The following MRPS23 variants were observed in gnomAD, a reference collection of about 807,000 sequenced individuals.
The protein encoded by MRPS23 is small ribosomal subunit protein mS23.
Under a neutral mutation model 19.8 loss-of-function variants are expected in MRPS23, and 14 were observed. The ratio of observed to expected loss-of-function variants is 0.71; its 90% CI spans 0.47 to 1.11. The LOEUF is 1.11. MRPS23 is among the 50% of genes least tolerant of loss of function. The pLI, the probability that MRPS23 is intolerant of heterozygous loss-of-function variation, is 0.00. For synonymous variants in MRPS23, 113 were observed against 89.7 expected (o/e 1.26, Z -1.47); for missense variants, 242 against 236.7 (o/e 1.02, Z -0.15).
chr17:57,844,130 T>C (rs993387195), intron 2 of MRPS23, among the ~76,000 whole-genome samples: 3 of 149,876 alleles, frequency 2.0e-5, no homozygotes, highest in Non-Finnish European at 4.5e-5. Flanking sequence ...CCTTTTTCTT[T>C]TTTTTTTTTT....
Position 57,838,707 on chromosome 17 carries a change from T to C in MRPS23, c.*1076A>G, listed in dbSNP as rs555402645. The C allele has an allele frequency of 6.6e-6, 1 of 152,392 alleles. No individual in the cohort carries two copies. The highest frequency in any genetic ancestry group is 6.5e-5 in the Admixed American group (1 of 15,304). The allele number at this position is 152,392 out of a possible 1,614,324, so 9.4% of individuals were successfully genotyped here. On this transcript the variant is annotated 3_prime_UTR_variant, in exon 5 of 5. Coordinates refer to ENST00000313608, the MANE Select transcript of MRPS23 (RefSeq NM_016070.4). ...GAGCTGCTTTTGCCTAATGTATTCA[T>C]TCACCTGCATGAACCAAGCACCCAC...
chr17:57,849,101 C>G (rs2073794951), intron 2 of MRPS23, 139 bp downstream of exon 2: 1 of 1,032,732 alleles, frequency 9.7e-7, no homozygotes, highest in Admixed American at 2.8e-5. Flanking sequence ...GGGGTGCTGC[C>G]TCCCTAATTT....
intron 2 of MRPS23, among the ~76,000 whole-genome samples, chr17:57,843,574 C>G (rs2073754048): frequency 6.6e-6 from 1 of 152,142 alleles, no homozygotes; most frequent in South Asian, 2.1e-4. Flanking sequence ...GGGAGGTAAT[C>G]AGGTCATGGT....
At position 57,849,226 on chromosome 17, in the gene MRPS23, G is replaced by C; in HGVS notation, c.215+14C>G. On this transcript the variant is annotated intron_variant, in intron 2 of 4. Transcript: ENST00000313608. ...TTCTGTTGCCTCCTGTCCACTACAG[G>C]GCTGAGCACTCACGCTCTAATCCGA... 1 of 1,613,740 alleles carries C rather than the reference G, an allele frequency of 6.2e-7. No homozygotes were observed. Among genetic ancestry groups the C allele is most frequent in the Non-Finnish European group, 8.5e-7 (1 of 1,179,806 alleles).
intron 2 of MRPS23, among the ~76,000 whole-genome samples, chr17:57,845,427 T>C (rs1456514954): frequency 6.6e-6 from 1 of 152,120 alleles, no homozygotes; most frequent in African/African-American, 2.4e-5. Context: ...TTTTCTAGCA[T>C]CCTGAAACAA....
rs1217498635 is a variant in MRPS23 at position 57,841,273 on chromosome 17, A to G, written c.216-13T>C. The G allele has an allele frequency of 1.2e-6, 2 of 1,609,946 alleles. No individual in the cohort carries two copies. Among genetic ancestry groups the G allele is most frequent in the East Asian group, 4.5e-5 (2 of 44,848 alleles). Reference sequence around the variant, plus strand: ...TGAATAAAACTTCCTAGAAAATGCAAACAACATAATATAAATCTCCGATTA... The same window carrying G: ...TGAATAAAACTTCCTAGAAAATGCAGACAACATAATATAAATCTCCGATTA... On this transcript the variant is annotated splice_polypyrimidine_tract_variant and intron_variant, in intron 2 of 4. Coordinates refer to ENST00000313608, the MANE Select transcript of MRPS23 (RefSeq NM_016070.4).
At chr17:57,844,748 A>G (rs1473227557) in intron 2 of MRPS23, among the ~76,000 whole-genome samples, 1 of 140,682 alleles carries the variant, frequency 7.1e-6, no homozygotes, top group African/African-American at 2.6e-5. Flanking sequence ...CCAGCCTGGG[A>G]GAGAGAGAGA....
chr17:57,848,030 A>G (rs1253177893), intron 2 of MRPS23, among the ~76,000 whole-genome samples: 1 of 152,128 alleles, frequency 6.6e-6, no homozygotes, highest in African/African-American at 2.4e-5. Context: ...ATCATTATCA[A>G]TACTGACAAG....
In MRPS23 at chr17:57,839,711, C is replaced by A. The variant is rs1597951113; in HGVS notation, c.*72G>T. On this transcript the variant is annotated 3_prime_UTR_variant, in exon 5 of 5. Transcript: ENST00000313608. ...ATCAAGAAACATTTACACAGTTCAACTGTTTAAAAATAGCTCAACATTCAG... is the reference window on the plus strand; with the variant it reads ...ATCAAGAAACATTTACACAGTTCAAATGTTTAAAAATAGCTCAACATTCAG... 6.5e-7 allele frequency: 1 copy of A among 1,546,138 alleles called. No homozygotes were observed. The highest frequency in any genetic ancestry group is 8.8e-7 in the Non-Finnish European group (1 of 1,137,604).
Position 57,849,979 on chromosome 17 carries a change from C to A in MRPS23, c.32G>T (p.Ser11Ile), listed in dbSNP as rs2073801448. The change falls in exon 1 of 5, where the codon AGC becomes ATC. Residue 11 changes from serine to isoleucine, a missense_variant. By Grantham distance (142) the Ser-to-Ile change is moderately radical (BLOSUM62 -2). Transcript: ENST00000313608. MAGSRLETVG[S>I]IFSRTRDLVR... is the part of the protein sequence containing the mutation. ...TGGGAGCACACACCGAGAGAAGATG[C>A]TCCCTACGGTTTCCAGCCGGCTGCC... 1.3e-6 allele frequency: 2 copies of A among 1,590,122 alleles called. No homozygotes were observed. Among genetic ancestry groups the A allele is most frequent in the Non-Finnish European group, 1.7e-6 (2 of 1,174,514 alleles).
intron 4 of MRPS23, among the ~76,000 whole-genome samples, chr17:57,840,172 G>A (rs1281084626): frequency 2.6e-5 from 4 of 152,142 alleles, no homozygotes; most frequent in Non-Finnish European, 5.9e-5. Context: ...CGGATCACGA[G>A]GTCAGGAGAT....
intron 2 of MRPS23, among the ~76,000 whole-genome samples, chr17:57,841,889 G>C (rs2073742469): frequency 6.6e-6 from 1 of 152,220 alleles, no homozygotes; most frequent in Non-Finnish European, 1.5e-5. Context: ...AGAGGTTGCA[G>C]TAAGTGGAGA....
Position 57,838,289 on chromosome 17 carries a change from C to CAAAAAAAAAAAAAAAAAAACAAAAAAA in MRPS23, c.*1493_*1494insTTTTTTTGTTTTTTTTTTTTTTTTTTT. 3.4e-5 allele frequency: 1 copy of CAAAAAAAAAAAAAAAAAAACAAAAAAA among 29,406 alleles called. No homozygotes were observed. The highest frequency in any genetic ancestry group is 2.9e-3 in the South Asian group (1 of 342). 1.8% of individuals were successfully genotyped at this position (29,406 alleles called of 1,614,324 possible). A position where few individuals can be genotyped will look rare whatever the true frequency, so the allele number is the denominator to read the frequency against. On this transcript the variant is annotated 3_prime_UTR_variant, in exon 5 of 5. Coordinates refer to ENST00000313608, the MANE Select transcript of MRPS23 (RefSeq NM_016070.4). ...TGGGAAACAAAGTGATACTCCATCG[C>CAAAAAAAAAAAAAAAAAAACAAAAAAA]AAAAAAAAAAAAAAAAAAAAAAAAA...
Position 57,839,652 on chromosome 17 carries a change from A to T in MRPS23, c.*131T>A. ...TACTGAGCTTTGTGACAACCCAGAA[A>T]TAACTAAGAGAAGGCAAACATAATA... On this transcript the variant is annotated 3_prime_UTR_variant, in exon 5 of 5. Coordinates refer to ENST00000313608, the MANE Select transcript of MRPS23 (RefSeq NM_016070.4). 5.0e-6 allele frequency: 6 copies of T among 1,195,260 alleles called. No homozygotes were observed. Among genetic ancestry groups the T allele is most frequent in the Non-Finnish European group, 6.8e-6 (6 of 876,718 alleles). The allele number at this position is 1,195,260 out of a possible 1,614,324, so 74.0% of individuals were successfully genotyped here. A position where few individuals can be genotyped will look rare whatever the true frequency, so the allele number is the denominator to read the frequency against.
intron 2 of MRPS23, 95 bp downstream of exon 2, chr17:57,849,145 T>TGTGGA: frequency 6.6e-7 from 1 of 1,507,236 alleles, no homozygotes; most frequent in East Asian, 2.3e-5. Context: ...GGCAAACCCC[T>TGTGGA]GACTCAATTT....
chr17:57,840,945 C>G lies in MRPS23; in HGVS notation c.401G>C (p.Arg134Pro), dbSNP rs534757039. 4 of 1,614,142 alleles carry G rather than the reference C, an allele frequency of 2.5e-6. No individual in the cohort carries two copies. In the South Asian group the frequency reaches 4.4e-5, roughly 18 times the overall value. ...ALLAEGVILRRVGEARTQHGG... is the reference protein window; with the variant it reads ...ALLAEGVILRPVGEARTQHGG... ...ACTCACAGTCCTTGCTTCGCCTACT[C>G]GTCTTAAAATGACACCTTCTGCCAA... Residue 134 changes from arginine (R) to proline (P), a missense_variant, in exon 4 of 5, where the codon CGA (arginine) becomes CCA (proline). Arg to Pro is a moderately radical substitution (Grantham distance 103). Transcript: ENST00000313608.
chr17:57,849,143 C>A, intron 2 of MRPS23, 97 bp downstream of exon 2: 3 of 1,501,616 alleles, frequency 2.0e-6, no homozygotes, highest in Non-Finnish European at 2.7e-6. Context: ...AGGGCAAACC[C>A]CTGACTCAAT....
chr17:57,848,429 C>T (rs1451850940), intron 2 of MRPS23, among the ~76,000 whole-genome samples: 1 of 152,074 alleles, frequency 6.6e-6, no homozygotes, highest in Non-Finnish European at 1.5e-5. Context: ...GGCTGGAGTG[C>T]AGTGGTGGGA....
intron 2 of MRPS23, among the ~76,000 whole-genome samples, chr17:57,848,149 C>A (rs2073788580): frequency 6.6e-6 from 1 of 151,960 alleles, no homozygotes; most frequent in Non-Finnish European, 1.5e-5. Flanking sequence ...GTCTCAAACT[C>A]CTGGGCACAA....
Sources: gnomAD v4.1 joint callset for allele counts (sites outside exome capture counted in the v4.1 genomes callset) on GRCh38, gnomAD v4.1.1 for gene constraint, MANE v1.5 for transcripts, NCBI Gene and HGNC (gene_info 2026-07-23, HGNC 2026-07-21) for gene names.